RALYL: variants seen among roughly 807,000 people sequenced by gnomAD.
The protein encoded by RALYL is RNA-binding Raly-like protein.
A neutral mutation model predicts 35.1 loss-of-function variants in RALYL; 29 were observed. The ratio of observed to expected loss-of-function variants is 0.83; its 90% CI spans 0.61 to 1.13. The LOEUF (loss-of-function observed/expected upper bound fraction) is 1.13, where lower values mean the gene tolerates loss of function less well. Among genes scored for constraint, RALYL ranks in the 50% most tolerant of loss-of-function variants. RALYL has a pLI of 0.00. For missense variants in RALYL, 359 were observed against 360.4 expected (o/e 1.00, Z 0.03); for synonymous variants, 120 against 127.6 (o/e 0.94, Z 0.40).
rs1166208925 is a variant in RALYL, at chr8:84,366,763, CAAAAAAAAAAAAAA to C, written c.-23-162521_-23-162508del. ...TGGAGGCAGAGTGAGATTTTTGTCT[CAAAAAAAAAAAAAA>C]AAAAAAAAAAAAAAGGGTATCCTGG... is the stretch of plus-strand genomic sequence containing the variant. On this transcript the variant is annotated intron_variant, in intron 1 of 8. Coordinates refer to ENST00000521268, the MANE Select transcript of RALYL (RefSeq NM_173848.7). 4.4e-4 allele frequency among the ~76,000 whole-genome samples: 25 copies of C among 56,676 alleles called. 1 individual carries two copies. Among genetic ancestry groups the C allele is most frequent in the South Asian group, 1.4e-3 (1 of 702 alleles). 37.2% of individuals were successfully genotyped at this position (56,676 alleles called of 152,430 possible).
At chr8:84,519,876 A>T (rs1564075503) in intron 1 of RALYL, among the ~76,000 whole-genome samples, 2 of 152,150 alleles carry the variant, frequency 1.3e-5, no homozygotes, top group Non-Finnish European at 2.9e-5. Context: ...GATGTTGCTG[A>T]CCAGTCACCA....
chr8:84,338,098 G>C (rs569448210), intron 1 of RALYL, among the ~76,000 whole-genome samples: 1 of 151,996 alleles, frequency 6.6e-6, no homozygotes, highest in African/African-American at 2.4e-5. Context: ...TGAAATAGTT[G>C]TGTTTCTTGT....
At chr8:84,661,739 G>C (rs753403961) in intron 2 of RALYL, among the ~76,000 whole-genome samples, 1 of 151,808 alleles carries the variant, frequency 6.6e-6, no homozygotes, top group African/African-American at 2.4e-5. Context: ...CTACTAACTC[G>C]TCATCTAGCA....
chr8:84,598,592 A>G (rs1212311775), intron 2 of RALYL, among the ~76,000 whole-genome samples: 3 of 152,106 alleles, frequency 2.0e-5, no homozygotes, highest in Admixed American at 2.0e-4. Flanking sequence ...CTCACACTTA[A>G]TAGTGGCTCA....
rs1392710858 is a variant in RALYL at position 84,482,526 on chromosome 8, T to C, written c.-23-46773T>C. Among the ~76,000 whole-genome samples the C allele has an allele frequency of 2.0e-5, 3 of 152,166 alleles. No homozygotes were observed. The East Asian group carries it at 5.8e-4, about 29-fold the overall frequency. On this transcript the variant is annotated intron_variant, in intron 1 of 8. Transcript: ENST00000521268. ...CCAATTTCACTCAACATTTAACAAC[T>C]TAAAAAATCTCCATTAGTCTGTAAC... is the stretch of plus-strand genomic sequence containing the variant.
At chr8:84,913,040 G>GTAAGTAGGTAGA (rs1554650708) in intron 8 of RALYL, among the ~76,000 whole-genome samples, 11 of 130,060 alleles carry the variant, frequency 8.5e-5, no homozygotes, top group African/African-American at 1.6e-4. Context: ...GGATAGGTAG[G>GTAAGTAGGTAGA]TAGATAGATA....
intron 2 of RALYL, among the ~76,000 whole-genome samples, chr8:84,659,016 A>G (rs1479707112): frequency 6.6e-6 from 1 of 152,170 alleles, no homozygotes; most frequent in Non-Finnish European, 1.5e-5. Flanking sequence ...AAGACAGCTT[A>G]CTACAAGTGG....
intron 1 of RALYL, among the ~76,000 whole-genome samples, chr8:84,266,001 T>G (rs574366238): frequency 6.6e-5 from 10 of 152,334 alleles, no homozygotes; most frequent in African/African-American, 2.4e-4. Context: ...TAAAACTCCT[T>G]TTGAACTTGT....
At position 84,183,717 on chromosome 8, in the gene RALYL, C is replaced by G. The variant is rs928474670; in HGVS notation, c.-731C>G. On this transcript the variant is annotated 5_prime_UTR_variant, in exon 1 of 9. Transcript: ENST00000521268. Reference sequence around the variant, plus strand: ...TTTATATTTGGGAAAGCTGGAGGAGCATGGTTTTGAGCCTTTTCCTGAATC... The same window carrying G: ...TTTATATTTGGGAAAGCTGGAGGAGGATGGTTTTGAGCCTTTTCCTGAATC... 6.6e-6 allele frequency: 1 copy of G among 151,144 alleles called. No homozygotes were observed. Among genetic ancestry groups the G allele is most frequent in the African/African-American group, 2.4e-5 (1 of 40,856 alleles). The allele number at this position is 151,144 out of a possible 1,614,324, so 9.4% of individuals were successfully genotyped here.
intron 2 of RALYL, among the ~76,000 whole-genome samples, chr8:84,735,193 C>T (rs1016110944): frequency 2.0e-5 from 3 of 151,804 alleles, no homozygotes; most frequent in Admixed American, 1.3e-4. Context: ...TATCAGCAGA[C>T]TAGATAATGA....
intron 2 of RALYL, among the ~76,000 whole-genome samples, chr8:84,613,003 AGT>A (rs1261867298): frequency 6.6e-6 from 1 of 151,698 alleles, no homozygotes; most frequent in African/African-American, 2.4e-5. Context: ...GTGGTTGCAA[AGT>A]GTGTTTTGTG....
chr8:84,732,668 T>TTATATATATATATGTATATA (rs1554553643), intron 2 of RALYL, among the ~76,000 whole-genome samples: 98 of 132,484 alleles, frequency 7.4e-4, no homozygotes, highest in African/African-American at 3.0e-3. Context: ...TATTAAATAA[T>TTATATATATATATGTATATA]TATATATATA....
chr8:84,622,144 G>C (rs1023173800), intron 2 of RALYL, among the ~76,000 whole-genome samples: 1 of 152,176 alleles, frequency 6.6e-6, no homozygotes, highest in Non-Finnish European at 1.5e-5. Context: ...AAACATAGTA[G>C]TGAATGAAAA....
At chr8:84,530,035 G>A (rs982552843) in intron 2 of RALYL, among the ~76,000 whole-genome samples, 12 of 152,170 alleles carry the variant, frequency 7.9e-5, no homozygotes, top group African/African-American at 2.6e-4. Context: ...TTAGAATGGG[G>A]AAAGGAATAT....
chr8:84,453,776 A>G lies in RALYL; in HGVS notation c.-23-75523A>G, dbSNP rs143126517. Among the ~76,000 whole-genome samples the G allele has an allele frequency of 7.4e-3, 1,133 of 152,104 alleles. 11 individuals carry two copies. The highest frequency in any genetic ancestry group is 0.026 in the African/African-American group (1,064 of 41,538). On this transcript the variant is annotated intron_variant, in intron 1 of 8. Transcript: ENST00000521268. Reference sequence around the variant, plus strand: ...AGTTTCATTAATACTATCTCAAACAACAGGTTTTGTTGGCTTAAAAAATAA... The same window carrying G: ...AGTTTCATTAATACTATCTCAAACAGCAGGTTTTGTTGGCTTAAAAAATAA...
chr8:84,871,924 T>A (rs1840263407), intron 6 of RALYL, among the ~76,000 whole-genome samples: 1 of 150,888 alleles, frequency 6.6e-6, no homozygotes, highest in African/African-American at 2.4e-5. Flanking sequence ...AAACATAAAT[T>A]GCATTTTGTT....
At chr8:84,399,106 G>C (rs1379855574) in intron 1 of RALYL, among the ~76,000 whole-genome samples, 1 of 152,144 alleles carries the variant, frequency 6.6e-6, no homozygotes. Context: ...ATTATGCCCA[G>C]GTAGTACTGC....
chr8:84,701,429 C>A (rs374778301), intron 2 of RALYL, among the ~76,000 whole-genome samples: 1 of 152,102 alleles, frequency 6.6e-6, no homozygotes, highest in African/African-American at 2.4e-5. Flanking sequence ...TTCTCTGAAA[C>A]GGAACCATCA....
At chr8:84,796,613 C>T (rs1202016501) in intron 3 of RALYL, among the ~76,000 whole-genome samples, 1 of 152,142 alleles carries the variant, frequency 6.6e-6, no homozygotes, top group Non-Finnish European at 1.5e-5. Flanking sequence ...TAACCATTTA[C>T]CTTGTAACAA....
Sources: gnomAD v4.1 joint callset for allele counts (sites outside exome capture counted in the v4.1 genomes callset) on GRCh38, gnomAD v4.1.1 for gene constraint, MANE v1.5 for transcripts, NCBI Gene and HGNC (gene_info 2026-07-23, HGNC 2026-07-21) for gene names.